The following AFAP1L2 variants were observed in gnomAD, a reference collection of about 807,000 sequenced individuals.
AFAP1L2 encodes actin filament-associated protein 1-like 2.
A neutral mutation model predicts 99.3 loss-of-function variants in AFAP1L2; 46 were observed. The ratio of observed to expected loss-of-function variants is 0.46; its 90% CI spans 0.37 to 0.59. The LOEUF (loss-of-function observed/expected upper bound fraction) is 0.59, where lower values mean the gene tolerates loss of function less well. AFAP1L2 is among the 20% of genes least tolerant of loss of function. The pLI, the probability that AFAP1L2 is intolerant of heterozygous loss-of-function variation, is 0.00. For missense variants in AFAP1L2, 959 were observed against 1,034.9 expected, an observed-to-expected ratio of 0.93 and a Z score of 1.01; for synonymous variants, 397 against 419.1, an observed-to-expected ratio of 0.95 and a Z score of 0.64.
At chr10:114,401,791 T>C (rs2058258087) in intron 1 of AFAP1L2, among the ~76,000 whole-genome samples, 2 of 152,146 alleles carry the variant, frequency 1.3e-5, no homozygotes, top group African/African-American at 4.8e-5. Context: ...TACAAGACAA[T>C]GGAAAATCCA....
chr10:114,402,402 T>G (rs1413264402), intron 1 of AFAP1L2, among the ~76,000 whole-genome samples: 1 of 152,208 alleles, frequency 6.6e-6, no homozygotes, highest in Non-Finnish European at 1.5e-5. Context: ...AAAGGTGTAG[T>G]AAACCTATTA....
At chr10:114,388,728 C>A (rs549294118) in intron 1 of AFAP1L2, among the ~76,000 whole-genome samples, 1 of 152,170 alleles carries the variant, frequency 6.6e-6, no homozygotes, top group Non-Finnish European at 1.5e-5. Context: ...GACATCAGCA[C>A]GTTCATTACA....
chr10:114,286,254 C>T, the AFAP1L2 span: 1 of 1,610,244 alleles, frequency 6.2e-7, no homozygotes, highest in African/African-American at 1.3e-5. Flanking sequence ...GGGAGCGCCA[C>T]CAGGACAGGC....
Position 114,335,925 on chromosome 10 carries a change from G to T in AFAP1L2, c.146-2630C>A, listed in dbSNP as rs534983660. ...GATAATGCTGATAAGGATCAGAAAAGGAACTGGAAGAACATAAATAGTGTT... is the reference window on the plus strand; with the variant it reads ...GATAATGCTGATAAGGATCAGAAAATGAACTGGAAGAACATAAATAGTGTT... On this transcript the variant is annotated intron_variant, in intron 2 of 18. Transcript: ENST00000304129. Among the ~76,000 whole-genome samples, 4 of 152,192 alleles carry T rather than the reference G, an allele frequency of 2.6e-5. No homozygotes were observed. The South Asian group carries it at 8.3e-4, about 32-fold the overall frequency.
At chr10:114,326,906 A>G (rs780455231) in intron 4 of AFAP1L2, among the ~76,000 whole-genome samples, 1 of 151,410 alleles carries the variant, frequency 6.6e-6, no homozygotes, top group Non-Finnish European at 1.5e-5. Flanking sequence ...AGTTTTGCGT[A>G]TATGTGTTTG....
At position 114,309,748 on chromosome 10, in the gene AFAP1L2, C is replaced by G. The variant is rs1281841983; in HGVS notation, c.882+606G>C. Among the ~76,000 whole-genome samples the G allele has an allele frequency of 2.0e-5, 3 of 152,188 alleles. No homozygotes were observed. In the East Asian group the frequency reaches 5.8e-4, roughly 29 times the overall value. On this transcript the variant is annotated intron_variant, in intron 8 of 18. Coordinates refer to ENST00000304129, the MANE Select transcript of AFAP1L2 (RefSeq NM_001001936.3). ...AAAGGAAGTGCCTCATAAAATCAATCTCCCTACTTAAGAATGCAGGCCAAA... is the reference window on the plus strand; with the variant it reads ...AAAGGAAGTGCCTCATAAAATCAATGTCCCTACTTAAGAATGCAGGCCAAA...
chr10:114,384,127 A>G (rs139277256), intron 1 of AFAP1L2, among the ~76,000 whole-genome samples: 48 of 152,242 alleles, frequency 3.2e-4, no homozygotes, highest in African/African-American at 1.1e-3. Context: ...GGTTTTACAT[A>G]TATGTCAAGA....
chr10:114,297,141 G>A, intron 17 of AFAP1L2, 41 bp from the exon 18 acceptor site: 2 of 1,611,706 alleles, frequency 1.2e-6, no homozygotes, highest in Non-Finnish European at 1.7e-6. Flanking sequence ...GTCAAGGGGA[G>A]GGAGATGTGA....
At chr10:114,392,022 G>T (rs992186584) in intron 1 of AFAP1L2, among the ~76,000 whole-genome samples, 3 of 152,088 alleles carry the variant, frequency 2.0e-5, no homozygotes, top group Non-Finnish European at 4.4e-5. Context: ...CTGGTTCAGG[G>T]GTCTCAAGAA....
At position 114,297,366 on chromosome 10, in the gene AFAP1L2, C is replaced by G. The variant is rs148977860; in HGVS notation, c.2161G>C (p.Glu721Gln). ...SLEQKLKEID[E>Q]ECRGEESRRV... ...CTGCTCTCCTCGCCCCGGCACTCCT[C>G]GTCAATTTCCTTCAGCTTCTGCTCC... The change falls in exon 17 of 19, where the codon GAG (glutamate) becomes CAG (glutamine). Residue 721 changes from glutamate (E) to glutamine (Q), a missense_variant. Physicochemically the swap from Glu to Gln is conservative, Grantham distance 29. This residue lies in a region of AFAP1L2 where 576 missense variants were observed against 562.1 expected (regional missense o/e 1.02). Coordinates refer to ENST00000304129, the MANE Select transcript of AFAP1L2 (RefSeq NM_001001936.3). The G allele has an allele frequency of 6.2e-7, 1 of 1,613,728 alleles. No individual in the cohort carries two copies. The highest frequency in any genetic ancestry group is 8.5e-7 in the Non-Finnish European group (1 of 1,180,020).
intron 4 of AFAP1L2, among the ~76,000 whole-genome samples, chr10:114,327,130 G>A (rs571920044): frequency 2.3e-5 from 2 of 85,910 alleles, no homozygotes; most frequent in South Asian, 4.2e-4. Context: ...GGTGAAGACC[G>A]TGAATTTTAT....
At position 114,297,355 on chromosome 10, in the gene AFAP1L2, C is replaced by T; in HGVS notation, c.2172G>A (p.Arg724=). The T allele has an allele frequency of 1.2e-6, 2 of 1,613,810 alleles. No individual in the cohort carries two copies. Among genetic ancestry groups the T allele is most frequent in the Non-Finnish European group, 1.7e-6 (2 of 1,180,026 alleles). Residue 724 remains arginine (R), a synonymous_variant, in exon 17 of 19, where the codon CGG becomes CGA. Coordinates refer to ENST00000304129, the MANE Select transcript of AFAP1L2 (RefSeq NM_001001936.3). The stretch of plus-strand genomic sequence containing the variant: ...GGTCCACGCGCCTGCTCTCCTCGCC[C>T]CGGCACTCCTCGTCAATTTCCTTCA... ...QKLKEIDEEC[R]GEESRRVDLE...
chr10:114,390,865 T>C (rs1187275521), intron 1 of AFAP1L2, among the ~76,000 whole-genome samples: 7 of 152,324 alleles, frequency 4.6e-5, no homozygotes, highest in African/African-American at 1.4e-4. Context: ...GCCAGTCTAC[T>C]GGGTGGTGGT....
chr10:114,314,233 G>A (rs533878344), intron 6 of AFAP1L2, among the ~76,000 whole-genome samples, 183 bp from the exon 7 acceptor site: 41 of 152,262 alleles, frequency 2.7e-4, no homozygotes, highest in Middle Eastern at 3.4e-3. Context: ...AGCAACTCCT[G>A]TTCTTCACAT....
chr10:114,354,541 G>A (rs868733601), intron 1 of AFAP1L2, among the ~76,000 whole-genome samples: 10 of 152,288 alleles, frequency 6.6e-5, no homozygotes, highest in Middle Eastern at 3.4e-3. Context: ...TAAGCCATAG[G>A]AGAAGGGGAT....
intron 1 of AFAP1L2, among the ~76,000 whole-genome samples, chr10:114,367,971 G>C (rs1294599814): frequency 6.6e-6 from 1 of 152,216 alleles, no homozygotes; most frequent in Non-Finnish European, 1.5e-5. Context: ...GCAGAGATAA[G>C]AAGCCTGAGT....
chr10:114,368,817 G>C (rs925880715), intron 1 of AFAP1L2, among the ~76,000 whole-genome samples: 5 of 141,272 alleles, frequency 3.5e-5, no homozygotes, highest in Non-Finnish European at 6.1e-5. Context: ...CACACACACA[G>C]AGTAACTAAA....
Position 114,301,419 on chromosome 10 carries a change from G to A in AFAP1L2, c.1477C>T (p.Leu493=), listed in dbSNP as rs1285839265. ...TCCTCCTGGCGGTCCTGGCTAGGCA[G>A]GCCATCGATGTAAGTGTTGGGCTCT... ...FSEPNTYIDG[L]PSQDRQEELY... is the part of the protein sequence containing the mutation. Residue 493 remains leucine, a synonymous_variant, in exon 13 of 19, where the codon CTG becomes TTG. Transcript: ENST00000304129. The A allele has an allele frequency of 1.2e-6, 2 of 1,614,102 alleles. No individual in the cohort carries two copies. Among genetic ancestry groups the A allele is most frequent in the African/African-American group, 2.7e-5 (2 of 74,946 alleles).
chr10:114,285,601 A>C, the AFAP1L2 span, among the ~76,000 whole-genome samples: 11 of 152,250 alleles, frequency 7.2e-5, no homozygotes, highest in Non-Finnish European at 1.2e-4. Context: ...AAAGCAGTGA[A>C]GCCTGTAGAA....
Sources: gnomAD v4.1 joint callset for allele counts (sites outside exome capture counted in the v4.1 genomes callset) on GRCh38, gnomAD v4.1.1 for gene constraint, gnomAD v4.1.1 regional missense constraint, MANE v1.5 for transcripts, NCBI Gene and HGNC (gene_info 2026-07-23, HGNC 2026-07-21) for gene names.